Variants in CSMD1 observed in about 807,000 individuals in gnomAD.
The protein encoded by CSMD1 is CUB and Sushi multiple domains 1, also known as CUB and sushi domain-containing protein 1.
Under a neutral mutation model 417.5 loss-of-function variants are expected in CSMD1, and 213 were observed. That is an observed-to-expected ratio of 0.51 (90% CI 0.46 to 0.57). CSMD1 has a LOEUF of 0.57. CSMD1 is among the 20% of genes least tolerant of loss of function. The pLI is 0.00. For missense variants in CSMD1, 6,923 were observed against 4,529.7 expected (o/e 1.53, Z -15.17); for synonymous variants, 2,862 against 1,736.8 (o/e 1.65, Z -16.11).
chr8:4,763,251 A>C (rs1307550205), intron 1 of CSMD1, among the ~76,000 whole-genome samples: 1 of 152,222 alleles, frequency 6.6e-6, no homozygotes, highest in East Asian at 1.9e-4. Context: ...TTTTGGACAA[A>C]GGAAGAACAG....
At position 3,507,136 on chromosome 8, in the gene CSMD1, T is replaced by A. The variant is rs564120305; in HGVS notation, c.1345-13410A>T. Among the ~76,000 whole-genome samples, 15 of 152,270 alleles carry A rather than the reference T, an allele frequency of 9.9e-5. No homozygotes were observed. In the East Asian group the frequency reaches 2.7e-3, roughly 27 times the overall value. On this transcript the variant is annotated intron_variant, in intron 10 of 69. Transcript: ENST00000635120. ...ATCATAGAAATTGAATAAACAGAATTTACATAGTGGAAAAGTGGTGATTTA... is the reference window on the plus strand; with the variant it reads ...ATCATAGAAATTGAATAAACAGAATATACATAGTGGAAAAGTGGTGATTTA...
At chr8:4,375,519 T>A (rs1228549065) in intron 3 of CSMD1, among the ~76,000 whole-genome samples, 2 of 151,756 alleles carry the variant, frequency 1.3e-5, no homozygotes, top group Admixed American at 1.3e-4. Context: ...ATCAGAAGAA[T>A]TTTTTTTTCC....
intron 1 of CSMD1, among the ~76,000 whole-genome samples, chr8:4,667,186 C>T (rs939995123): frequency 1.3e-4 from 20 of 152,230 alleles, no homozygotes; most frequent in African/African-American, 4.3e-4. Context: ...TTTGTGGACT[C>T]TATTTTGTTC....
At chr8:4,358,161 T>G (rs369663626) in intron 3 of CSMD1, among the ~76,000 whole-genome samples, 1 of 152,202 alleles carries the variant, frequency 6.6e-6, no homozygotes, top group South Asian at 2.1e-4. Context: ...GCATGCAAAA[T>G]TATGATGACG....
intron 23 of CSMD1, among the ~76,000 whole-genome samples, chr8:3,314,858 C>G (rs936418580): frequency 5.9e-5 from 9 of 152,198 alleles, no homozygotes; most frequent in Admixed American, 4.6e-4. Context: ...AGAACCGGCT[C>G]CAGACTTAAT....
chr8:4,921,266 C>T (rs774357047), intron 1 of CSMD1, among the ~76,000 whole-genome samples: 2 of 152,152 alleles, frequency 1.3e-5, no homozygotes, highest in Non-Finnish European at 2.9e-5. Context: ...CATTTATTGT[C>T]AGCCAATCTG....
chr8:4,529,731 C>T (rs567412551), intron 2 of CSMD1, among the ~76,000 whole-genome samples: 1 of 152,014 alleles, frequency 6.6e-6, no homozygotes, highest in African/African-American at 2.4e-5. Context: ...GGGGTTCTTA[C>T]AAATTTTTCA....
chr8:3,303,354 A>G (rs755428447), intron 25 of CSMD1, among the ~76,000 whole-genome samples: 10 of 152,330 alleles, frequency 6.6e-5, no homozygotes, highest in African/African-American at 1.9e-4. Flanking sequence ...TAATCTCTCT[A>G]AAAGCTGATG....
rs193263833 is a variant in CSMD1 at position 3,961,981 on chromosome 8, C to T, written c.818+35922G>A. Among the ~76,000 whole-genome samples, 30 of 152,300 alleles carry T rather than the reference C, an allele frequency of 2.0e-4. 1 individual carries two copies. In the South Asian group the frequency reaches 3.1e-3, roughly 16 times the overall value. ...TGAAAGGAAAAGCAATGCAGCAAAA[C>T]ATCACAAAGTTGCACAAAGACATGC... On this transcript the variant is annotated intron_variant, in intron 5 of 69. Transcript: ENST00000635120.
chr8:4,162,112 G>A (rs1388496878), intron 3 of CSMD1, among the ~76,000 whole-genome samples: 2 of 152,118 alleles, frequency 1.3e-5, no homozygotes, highest in South Asian at 2.1e-4. Flanking sequence ...AGCAATATAT[G>A]GTTACATGAT....
At chr8:4,400,759 C>CA (rs1225780486) in intron 3 of CSMD1, among the ~76,000 whole-genome samples, 3 of 125,932 alleles carry the variant, frequency 2.4e-5, no homozygotes, top group African/African-American at 9.7e-5. Flanking sequence ...GCATACAGAT[C>CA]AGTTTTTTTT....
intron 7 of CSMD1, among the ~76,000 whole-genome samples, chr8:3,641,768 C>T (rs893145958): frequency 1.3e-5 from 2 of 152,196 alleles, no homozygotes; most frequent in South Asian, 4.1e-4. Flanking sequence ...CGGTACCCAA[C>T]CACTCACTAC....
chr8:4,341,376 A>C (rs1013521357), intron 3 of CSMD1, among the ~76,000 whole-genome samples: 1 of 152,138 alleles, frequency 6.6e-6, no homozygotes, highest in Non-Finnish European at 1.5e-5. Flanking sequence ...ATCGCAGGAA[A>C]TAATTTAGTA....
At position 3,324,472 on chromosome 8, in the gene CSMD1, A is replaced by G. The variant is rs796082295; in HGVS notation, c.3632-15969T>C. On this transcript the variant is annotated intron_variant, in intron 23 of 69. Transcript: ENST00000635120. ...GAGTGGGAGTTTCCTTCCCCCCACC[A>G]TTCTTCACTGTTAAAATAGACACAC... is the stretch of plus-strand genomic sequence containing the variant. 4.3e-4 allele frequency among the ~76,000 whole-genome samples: 37 copies of G among 85,944 alleles called. 1 individual carries two copies. In the South Asian group the frequency reaches 0.016, roughly 37 times the overall value. 56.4% of individuals were successfully genotyped at this position (85,944 alleles called of 152,430 possible). A position where few individuals can be genotyped will look rare whatever the true frequency, so the allele number is the denominator to read the frequency against.
intron 3 of CSMD1, among the ~76,000 whole-genome samples, chr8:4,053,638 A>C (rs752990701): frequency 4.1e-4 from 62 of 152,232 alleles, no homozygotes; most frequent in Middle Eastern, 3.4e-3. Flanking sequence ...TTTGTCTTGC[A>C]TAGAGTGTCA....
intron 5 of CSMD1, among the ~76,000 whole-genome samples, chr8:3,975,770 A>G (rs967045150): frequency 5.9e-5 from 9 of 152,226 alleles, no homozygotes; most frequent in African/African-American, 2.2e-4. Context: ...AAGTCTTCAA[A>G]AGATTTCTCT....
intron 8 of CSMD1, 56 bp from the exon 9 acceptor site, chr8:3,586,316 A>AT: frequency 6.9e-7 from 1 of 1,449,670 alleles, no homozygotes; most frequent in Non-Finnish European, 9.1e-7. Context: ...AGACTTCTTT[A>AT]GGAAAAAAAA....
At chr8:3,497,895 T>C (rs1796433038) in intron 10 of CSMD1, among the ~76,000 whole-genome samples, 1 of 152,226 alleles carries the variant, frequency 6.6e-6, no homozygotes, top group Non-Finnish European at 1.5e-5. Context: ...CCAGTGAATA[T>C]TACTCTTTTG....
chr8:3,813,277 A>T (rs887400580), intron 5 of CSMD1, among the ~76,000 whole-genome samples: 4 of 152,100 alleles, frequency 2.6e-5, no homozygotes, highest in Non-Finnish European at 5.9e-5. Context: ...TATCCATGCA[A>T]ATACATTTAA....
Sources: allele counts gnomAD v4.1 joint callset (sites outside exome capture counted in the v4.1 genomes callset), GRCh38; gene constraint gnomAD v4.1.1; transcripts MANE v1.5; gene names NCBI Gene and HGNC (gene_info 2026-07-23, HGNC 2026-07-21).